The following SLC28A2 variants were observed in gnomAD, a reference collection of about 807,000 sequenced individuals.
The protein encoded by SLC28A2 is sodium/nucleoside cotransporter 2.
In SLC28A2, 69 loss-of-function variants were observed where a neutral mutation model predicts 72.9. The observed-to-expected ratio is 0.95, with a 90% CI of 0.78 to 1.16. SLC28A2 has a LOEUF of 1.16. SLC28A2 is among the 50% of genes most tolerant of loss of function. The probability of loss-of-function intolerance (pLI) is 0.00; values close to 1 mark genes in which losing one functional copy is unlikely to be tolerated. For missense variants in SLC28A2, 745 were observed against 791.1 expected (o/e 0.94, Z 0.70); for synonymous variants, 296 against 294.1 (o/e 1.01, Z -0.07).
intron 17 of SLC28A2, among the ~76,000 whole-genome samples, chr15:45,273,384 G>C (rs936931667): frequency 6.6e-6 from 1 of 151,992 alleles, no homozygotes; most frequent in Non-Finnish European, 1.5e-5. Context: ...GAAAAGAAGA[G>C]GATATGTCAT....
Position 45,265,572 on chromosome 15 carries a change from T to G in SLC28A2, c.781-11T>G. ...GTAACATCTCACCACCTGCTACCAT[T>G]CTCATTACAGGCCTTACCAATCATC... On this transcript the variant is annotated splice_polypyrimidine_tract_variant and intron_variant, in intron 8 of 17. Transcript: ENST00000347644. The G allele has an allele frequency of 6.3e-7, 1 of 1,599,610 alleles. No homozygotes were observed. Among genetic ancestry groups the G allele is most frequent in the Non-Finnish European group, 8.6e-7 (1 of 1,166,762 alleles).
Position 45,266,217 on chromosome 15 carries a change from A to G in SLC28A2, c.942+56A>G, listed in dbSNP as rs1900332316. On this transcript the variant is annotated intron_variant, in intron 10 of 17. Coordinates refer to ENST00000347644, the MANE Select transcript of SLC28A2 (RefSeq NM_004212.4). ...CCCTCTGAGGAACTGAGAATTTGGCACAAAACAAGAGTATGCTTTCCTTCT... is the reference window on the plus strand; with the variant it reads ...CCCTCTGAGGAACTGAGAATTTGGCGCAAAACAAGAGTATGCTTTCCTTCT... The G allele has an allele frequency of 3.2e-6, 4 of 1,246,636 alleles. No individual in the cohort carries two copies. The African/African-American group carries it at 5.9e-5, about 18-fold the overall frequency. The allele number at this position is 1,246,636 out of a possible 1,614,324, so 77.2% of individuals were successfully genotyped here. A position where few individuals can be genotyped will look rare whatever the true frequency, so the allele number is the denominator to read the frequency against.
chr15:45,267,403 G>T, intron 10 of SLC28A2, 52 bp from the exon 11 acceptor site: 2 of 1,608,826 alleles, frequency 1.2e-6, no homozygotes, highest in Non-Finnish European at 1.7e-6. Context: ...GGGCACACTG[G>T]CATGGGGAGT....
rs17222057 is a variant in SLC28A2 at position 45,269,353 on chromosome 15, C to T, written c.1384C>T (p.Leu462Phe). 12,065 of 1,613,742 alleles carry T rather than the reference C, an allele frequency of 7.5e-3. 56 individuals carry two copies. Among genetic ancestry groups the T allele is most frequent in the Non-Finnish European group, 8.7e-3 (10,274 of 1,179,718 alleles). ...GLTFQVICSY[L>F]LRPMVFMMGV... ...TTTCACTCAGGTCATCTGCTCCTAT[C>T]TCCTAAGGCCCATGGTTTTCATGAT... is the stretch of plus-strand genomic sequence containing the variant. The change falls in exon 14 of 18, where the codon CTC (leucine) becomes TTC (phenylalanine). Residue 462 changes from leucine (L) to phenylalanine (F), a missense_variant. By Grantham distance (22) the Leu-to-Phe change is conservative (BLOSUM62 0). Transcript: ENST00000347644.
In SLC28A2 at chr15:45,270,281, G is replaced by A. The variant is rs777179141; in HGVS notation, c.1648+5G>A. ...GAATCACACTTGGAGGCTTGAGTGA[G>A]TTCATCCATTTTCCCAGCTCCCCAG... On this transcript the variant is annotated splice_donor_5th_base_variant and intron_variant, in intron 15 of 17. Coordinates refer to ENST00000347644, the MANE Select transcript of SLC28A2 (RefSeq NM_004212.4). 6.2e-6 allele frequency: 10 copies of A among 1,601,406 alleles called. No individual in the cohort carries two copies. In the East Asian group the frequency reaches 8.9e-5, roughly 14 times the overall value.
intron 3 of SLC28A2, among the ~76,000 whole-genome samples, chr15:45,258,622 CT>C (rs1452411931): frequency 6.6e-6 from 1 of 152,118 alleles, no homozygotes; most frequent in Non-Finnish European, 1.5e-5. Flanking sequence ...ACTTTTGCTT[CT>C]TTTGCTTTAC....
At position 45,275,406 on chromosome 15, in the gene SLC28A2, AAT is replaced by A; in HGVS notation, c.1871_1872del (p.Asn624ArgfsTer14). The A allele has an allele frequency of 6.2e-7, 1 of 1,610,052 alleles. No individual in the cohort carries two copies. Among genetic ancestry groups the A allele is most frequent in the East Asian group, 2.2e-5 (1 of 44,868 alleles). ...GGTTTTTCACTGCAGTACTTCTCTGAATGGCACCAACCCTCCTTCTTTTTCTG... is the reference window on the plus strand; with the variant it reads ...GGTTTTTCACTGCAGTACTTCTCTGAGGCACCAACCCTCCTTCTTTTTCTG... The part of the protein sequence containing the change: ...CRGLFQSTSL[N>X]GTNPPSFSGP... On this transcript the variant is annotated frameshift_variant, in exon 18 of 18. Coordinates refer to ENST00000347644, the MANE Select transcript of SLC28A2 (RefSeq NM_004212.4). LOFTEE classifies it high-confidence loss of function.
At chr15:45,271,239 T>C (rs1172530161) in intron 15 of SLC28A2, among the ~76,000 whole-genome samples, 5 of 152,162 alleles carry the variant, frequency 3.3e-5, no homozygotes, top group Middle Eastern at 3.2e-3. Context: ...CAGGGGTGAC[T>C]AGCAGATCCC....
rs753978466 is a variant in SLC28A2 at position 45,269,565 on chromosome 15, C to G, written c.1566+30C>G. Reference sequence around the variant, plus strand: ...GTGACAATCCAAAAAGCATAAACACCGTGAGGTCTCAGCCATGGTTATCTG... The same window carrying G: ...GTGACAATCCAAAAAGCATAAACACGGTGAGGTCTCAGCCATGGTTATCTG... On this transcript the variant is annotated intron_variant, in intron 14 of 17. Transcript: ENST00000347644. The G allele has an allele frequency of 7.6e-6, 12 of 1,578,822 alleles. No homozygotes were observed. The South Asian group carries it at 1.2e-4, about 16-fold the overall frequency.
intron 3 of SLC28A2, 25 bp from the exon 4 acceptor site, chr15:45,261,990 A>G (rs1746696485): frequency 1.4e-6 from 2 of 1,476,734 alleles, no homozygotes; most frequent in African/African-American, 2.8e-5. Flanking sequence ...TAATTCTTGT[A>G]TCTTAACTTT....
Position 45,276,677 on chromosome 15 carries a change from G to A in SLC28A2, c.*1164G>A, listed in dbSNP as rs1462934317. 1 of 152,052 alleles carries A rather than the reference G, an allele frequency of 6.6e-6. No individual in the cohort carries two copies. The highest frequency in any genetic ancestry group is 1.9e-4 in the East Asian group (1 of 5,198). 9.4% of individuals were successfully genotyped at this position (152,052 alleles called of 1,614,324 possible). On this transcript the variant is annotated 3_prime_UTR_variant, in exon 18 of 18. Coordinates refer to ENST00000347644, the MANE Select transcript of SLC28A2 (RefSeq NM_004212.4). ...TGTGATTTAGTATGTAATTTGCCTG[G>A]GACGGGGGAGAAGCTACATTTATTG...
chr15:45,269,646 G>C, intron 14 of SLC28A2, 111 bp downstream of exon 14: 1 of 886,102 alleles, frequency 1.1e-6, no homozygotes, highest in South Asian at 1.5e-5. Context: ...TGCCTTTCTG[G>C]GGTCGCAGGC....
intron 17 of SLC28A2, 36 bp downstream of exon 17, chr15:45,272,820 C>A: frequency 8.9e-7 from 1 of 1,119,044 alleles, no homozygotes; most frequent in Non-Finnish European, 1.4e-6. Flanking sequence ...CTCTCACACA[C>A]GGCCCTCAGG....
rs752651547 is a variant in SLC28A2, at chr15:45,253,197, C to G, written c.-16-3C>G. 25 of 1,596,064 alleles carry G rather than the reference C, an allele frequency of 1.6e-5. No individual in the cohort carries two copies. The South Asian group carries it at 2.4e-4, about 16-fold the overall frequency. On this transcript the variant is annotated splice_polypyrimidine_tract_variant and splice_region_variant and intron_variant, in intron 1 of 17. Coordinates refer to ENST00000347644, the MANE Select transcript of SLC28A2 (RefSeq NM_004212.4). ...CAGGCTTGGCCCTGAATTTGTTTTTCAGTTGAGGAGAACAGGAGATGGAGA... is the reference window on the plus strand; with the variant it reads ...CAGGCTTGGCCCTGAATTTGTTTTTGAGTTGAGGAGAACAGGAGATGGAGA...
intron 6 of SLC28A2, among the ~76,000 whole-genome samples, chr15:45,264,411 T>C (rs1900261411): frequency 6.6e-6 from 1 of 152,256 alleles, no homozygotes; most frequent in African/African-American, 2.4e-5. Context: ...TATGCATGCA[T>C]ATATGTGTGT....
chr15:45,271,362 G>C (rs1182505085), intron 15 of SLC28A2, among the ~76,000 whole-genome samples: 1 of 152,128 alleles, frequency 6.6e-6, no homozygotes, highest in Non-Finnish European at 1.5e-5. Context: ...AGGAGTTTGA[G>C]AGCAGCCTGG....
chr15:45,272,049 A>C (rs971751608), intron 15 of SLC28A2: 2 of 459,358 alleles, frequency 4.4e-6, no homozygotes, highest in Non-Finnish European at 7.8e-6. Flanking sequence ...TGTTCACAGA[A>C]CCATTAAAGT....
intron 6 of SLC28A2, among the ~76,000 whole-genome samples, chr15:45,264,420 G>A: frequency 6.6e-6 from 1 of 152,210 alleles, no homozygotes; most frequent in South Asian, 2.1e-4. Flanking sequence ...ATATATGTGT[G>A]TATAAGTGTC....
intron 9 of SLC28A2, 111 bp from the exon 10 acceptor site, chr15:45,265,970 C>T: frequency 1.2e-6 from 1 of 820,086 alleles, no homozygotes; most frequent in Non-Finnish European, 2.0e-6. Context: ...TGCTGCTCTA[C>T]TTCTCTAGGC....
Sources: gnomAD v4.1 joint callset for allele counts (sites outside exome capture counted in the v4.1 genomes callset) on GRCh38, gnomAD v4.1.1 for gene constraint, MANE v1.5 for transcripts, NCBI Gene and HGNC (gene_info 2026-07-23, HGNC 2026-07-21) for gene names.